The following ANKRD44 variants were observed in gnomAD, a reference collection of about 807,000 sequenced individuals.
The protein encoded by ANKRD44 is serine/threonine-protein phosphatase 6 regulatory ankyrin repeat subunit B.
A neutral mutation model predicts 116.0 loss-of-function variants in ANKRD44; 35 were observed. That is an observed-to-expected ratio of 0.30 (90% confidence interval 0.23 to 0.40). The LOEUF (loss-of-function observed/expected upper bound fraction) is 0.40. ANKRD44 is among the 10% of genes least tolerant of loss of function. The pLI is 1.00. For synonymous variants in ANKRD44, 435 were observed against 461.8 expected (o/e 0.94, Z 0.74); for missense variants, 1,014 against 1,242.6 (o/e 0.82, Z 2.77).
Position 196,974,243 on chromosome 2 carries a change from T to G in ANKRD44, c.2369-6797A>C, listed in dbSNP as rs1175193992. Among the ~76,000 whole-genome samples the G allele has an allele frequency of 2.9e-4, 44 of 152,014 alleles. 2 individuals carry two copies. Among genetic ancestry groups the G allele is most frequent in the Admixed American group, 2.8e-3 (43 of 15,258 alleles). On this transcript the variant is annotated intron_variant, in intron 21 of 21. Coordinates refer to the ANKRD44 transcript ENST00000424317. ...GACTACAGGGGTGCACCACCATGCC[T>G]GACTAATTTCTGTGTTTTTTGTAGA...
In ANKRD44 at chr2:197,078,756, AACCT is replaced by A; in HGVS notation, c.1593_1596del (p.Glu531AspfsTer42). ...GCGGCAGCATAATGTATGCTATTGT[AACCT>A]TCCTTGTCCCGGATAGATGGATTTG... On this transcript the variant is annotated frameshift_variant, in exon 16 of 28. Coordinates refer to ENST00000282272, the MANE Select transcript of ANKRD44 (RefSeq NM_001195144.2). LOFTEE classifies it high-confidence loss of function. 1 of 1,613,340 alleles carries A rather than the reference AACCT, an allele frequency of 6.2e-7. No homozygotes were observed. The highest frequency in any genetic ancestry group is 8.5e-7 in the Non-Finnish European group (1 of 1,179,508).
At chr2:196,974,754 G>A (rs2075744816) in intron 21 of ANKRD44, among the ~76,000 whole-genome samples, 1 of 152,016 alleles carries the variant, frequency 6.6e-6, no homozygotes, top group African/African-American at 2.4e-5. Flanking sequence ...GCTGGGCATG[G>A]TGACACACAC....
At chr2:197,103,069 AAC>A (rs199623812) in intron 9 of ANKRD44, among the ~76,000 whole-genome samples, 135 of 152,168 alleles carry the variant, frequency 8.9e-4, no homozygotes, top group African/African-American at 3.2e-3. Flanking sequence ...CTCTACCAAA[AAC>A]ACAAAAAATT....
chr2:197,051,614 A>C (rs984948881), intron 16 of ANKRD44, among the ~76,000 whole-genome samples: 3 of 152,130 alleles, frequency 2.0e-5, no homozygotes, highest in African/African-American at 7.2e-5. Context: ...CTTCTGAATC[A>C]CTTAATAGTA....
chr2:197,089,597 T>C (rs1267110095), intron 11 of ANKRD44, among the ~76,000 whole-genome samples: 1 of 152,166 alleles, frequency 6.6e-6, no homozygotes, highest in Non-Finnish European at 1.5e-5. Flanking sequence ...TGTTGAAAAA[T>C]ATTAAATGCT....
chr2:197,183,496 A>C (rs572594503), intron 2 of ANKRD44, among the ~76,000 whole-genome samples: 1 of 152,190 alleles, frequency 6.6e-6, no homozygotes, highest in Admixed American at 6.5e-5. Flanking sequence ...CCATCTGTCT[A>C]TGCCTTTTCT....
intron 1 of ANKRD44, chr2:197,263,471 C>A (rs978344999): frequency 1.1e-5 from 5 of 437,386 alleles, no homozygotes; most frequent in African/African-American, 8.4e-5. Flanking sequence ...CTAGGCTTTA[C>A]CCTCTAGGAA....
At chr2:197,156,263 G>A (rs2079811622) in intron 2 of ANKRD44, among the ~76,000 whole-genome samples, 1 of 151,998 alleles carries the variant, frequency 6.6e-6, no homozygotes, top group Admixed American at 6.6e-5. Flanking sequence ...GGAGAATGGA[G>A]TGAACCCGGG....
chr2:197,147,448 C>CT (rs2079533962), intron 2 of ANKRD44, among the ~76,000 whole-genome samples: 1 of 145,658 alleles, frequency 6.9e-6, no homozygotes, highest in African/African-American at 2.6e-5. Flanking sequence ...AAAAAAAAAT[C>CT]TAACCTACCA....
chr2:197,136,052 C>G (rs2079208916), intron 4 of ANKRD44: 1 of 161,800 alleles, frequency 6.2e-6, no homozygotes, highest in Non-Finnish European at 1.4e-5. Context: ...TTCTCCATTG[C>G]TCAGAGGATT....
intron 4 of ANKRD44, among the ~76,000 whole-genome samples, chr2:197,130,674 G>A (rs1574512581): frequency 6.6e-6 from 1 of 152,096 alleles, no homozygotes; most frequent in African/African-American, 2.4e-5. Context: ...TTCTACACAT[G>A]AACAACTTTT....
At chr2:197,140,738 C>A (rs1233067541) in intron 3 of ANKRD44, among the ~76,000 whole-genome samples, 1 of 151,966 alleles carries the variant, frequency 6.6e-6, no homozygotes, top group Non-Finnish European at 1.5e-5. Flanking sequence ...CAAAAAACCC[C>A]AAAATAACAA....
chr2:197,132,743 A>C (rs2079122129), intron 4 of ANKRD44, among the ~76,000 whole-genome samples: 1 of 152,170 alleles, frequency 6.6e-6, no homozygotes, highest in South Asian at 2.1e-4. Flanking sequence ...TACCAGTTGT[A>C]CACAGAAAAT....
chr2:197,222,808 TTTTA>T (rs1275380928), intron 1 of ANKRD44, among the ~76,000 whole-genome samples: 1 of 136,262 alleles, frequency 7.3e-6, no homozygotes, highest in Non-Finnish European at 1.6e-5. Context: ...TTTATTTATT[TTTTA>T]TTTATTTATT....
intron 2 of ANKRD44, among the ~76,000 whole-genome samples, chr2:197,182,285 A>G (rs1369880490): frequency 6.6e-6 from 1 of 152,190 alleles, no homozygotes; most frequent in Admixed American, 6.5e-5. Context: ...CTGGTATGCC[A>G]TTAACCACAG....
At chr2:197,213,463 A>G (rs543691004) in intron 1 of ANKRD44, among the ~76,000 whole-genome samples, 2 of 152,304 alleles carry the variant, frequency 1.3e-5, no homozygotes, top group African/African-American at 4.8e-5. Context: ...TCTATGAAAC[A>G]TATTAAACAC....
chr2:197,072,840 C>T (rs2077589537), intron 16 of ANKRD44, among the ~76,000 whole-genome samples: 1 of 152,114 alleles, frequency 6.6e-6, no homozygotes, highest in Non-Finnish European at 1.5e-5. Flanking sequence ...CTCTTTTTCC[C>T]TATACTAGGT....
In ANKRD44 at chr2:197,297,088, T is replaced by G. The variant is rs1264909854; in HGVS notation, c.27+13490A>C. Among the ~76,000 whole-genome samples the G allele has an allele frequency of 2.0e-5, 3 of 152,206 alleles. No individual in the cohort carries two copies. The East Asian group carries it at 5.8e-4, about 29-fold the overall frequency. ...TCAAAGTTCTTTTTGACAACTTAAA[T>G]AAAAAATGACTGCAAACTCCTGAGA... is the stretch of plus-strand genomic sequence containing the variant. On this transcript the variant is annotated intron_variant, in intron 1 of 27. Coordinates refer to ENST00000282272, the MANE Select transcript of ANKRD44 (RefSeq NM_001195144.2).
intron 17 of ANKRD44, among the ~76,000 whole-genome samples, chr2:197,016,747 AAAAAG>A (rs963001770): frequency 1.3e-4 from 20 of 152,338 alleles, no homozygotes; most frequent in Non-Finnish European, 1.2e-4. Context: ...AATTCACAAA[AAAAAG>A]AAAAGAAAAG....
Sources: allele counts gnomAD v4.1 joint callset (sites outside exome capture counted in the v4.1 genomes callset), GRCh38; gene constraint gnomAD v4.1.1; transcripts MANE v1.5; gene names NCBI Gene and HGNC (gene_info 2026-07-23, HGNC 2026-07-21).